Variants in EYS observed in about 807,000 individuals in gnomAD.
The protein encoded by EYS is EGF-like photoreceptor maintenance factor, also known as protein eyes shut homolog.
Under a neutral mutation model 282.1 loss-of-function variants are expected in EYS, and 250 were observed. The ratio of observed to expected loss-of-function variants is 0.89; its 90% CI spans 0.80 to 0.98. The LOEUF (loss-of-function observed/expected upper bound fraction) is 0.98, where lower values mean the gene tolerates loss of function less well. Among genes scored for constraint, EYS ranks in the 50% least tolerant of loss-of-function variants. The pLI is 0.00. For missense variants in EYS, 4,016 were observed against 3,709.0 expected (o/e 1.08, Z -2.15); for synonymous variants, 1,355 against 1,282.9 (o/e 1.06, Z -1.20).
intron 31 of EYS, among the ~76,000 whole-genome samples, chr6:64,204,697 G>A (rs1765565109): frequency 6.6e-6 from 1 of 152,140 alleles, no homozygotes; most frequent in Non-Finnish European, 1.5e-5. Context: ...AATTTCTGGG[G>A]AAGGGATTCA....
At chr6:65,312,312 G>A (rs1265276630) in intron 11 of EYS, among the ~76,000 whole-genome samples, 16 of 151,438 alleles carry the variant, frequency 1.1e-4, no homozygotes, top group African/African-American at 3.4e-4. Context: ...GATAAACTTG[G>A]TCATGATAAA....
At chr6:63,824,492 CA>C (rs1250555683) in intron 36 of EYS, among the ~76,000 whole-genome samples, 3 of 152,200 alleles carry the variant, frequency 2.0e-5, no homozygotes, top group Admixed American at 6.5e-5. Flanking sequence ...AACAAACCAG[CA>C]ATCCCCAGAG....
intron 31 of EYS, among the ~76,000 whole-genome samples, chr6:64,213,122 AAACT>A (rs1765829797): frequency 6.6e-6 from 1 of 152,232 alleles, no homozygotes; most frequent in African/African-American, 2.4e-5. Context: ...AGGATCAGGA[AAACT>A]AACTAATGGG....
At chr6:64,387,256 TTCTAATTACAACTCC>T (rs916212095) in intron 29 of EYS, among the ~76,000 whole-genome samples, 2 of 152,128 alleles carry the variant, frequency 1.3e-5, no homozygotes, top group Non-Finnish European at 2.9e-5. Flanking sequence ...TTCTTCAAAT[TTCTAATTACAACTCC>T]TCTACTTCTT....
chr6:65,296,015 G>A lies in EYS; in HGVS notation c.1871C>T (p.Ser624Leu), dbSNP rs548565748. Residue 624 changes from serine to leucine, a missense_variant, in exon 12 of 43, where the codon TCG (serine) becomes TTG (leucine). Transcript: ENST00000503581. ...CAGACCGCTACAGTTACAATTGTGC[G>A]AAAGGGCCAGGCAGAGGCCATGCAC... ...ISVHGLCLAL[S>L]HNCNCSGLQR... 93 of 1,551,156 alleles carry A rather than the reference G, an allele frequency of 6.0e-5. No homozygotes were observed. In the South Asian group the frequency reaches 7.9e-4, roughly 13 times the overall value.
At chr6:65,118,944 C>T (rs1028860419) in intron 12 of EYS, among the ~76,000 whole-genome samples, 32 of 149,396 alleles carry the variant, frequency 2.1e-4, no homozygotes, top group Admixed American at 1.5e-3. Flanking sequence ...ATAAAGTTAA[C>T]AGAATGTTTG....
At chr6:63,733,799 T>C (rs1051538229) in intron 41 of EYS, among the ~76,000 whole-genome samples, 2 of 152,150 alleles carry the variant, frequency 1.3e-5, no homozygotes, top group Admixed American at 6.6e-5. Context: ...CAAATATTTT[T>C]ATAATGGGCA....
intron 1 of EYS, among the ~76,000 whole-genome samples, chr6:65,697,261 T>C (rs905217556): frequency 1.3e-5 from 2 of 152,112 alleles, no homozygotes; most frequent in Admixed American, 1.3e-4. Context: ...TCATCATGTA[T>C]ACTTTAGACA....
chr6:65,579,099 A>G (rs1474741165), intron 2 of EYS, among the ~76,000 whole-genome samples: 1 of 152,110 alleles, frequency 6.6e-6, no homozygotes, highest in Non-Finnish European at 1.5e-5. Context: ...CTAATGGCCA[A>G]CTCAACTTTG....
intron 5 of EYS, among the ~76,000 whole-genome samples, chr6:65,446,973 A>G (rs1768686228): frequency 6.6e-6 from 1 of 151,718 alleles, no homozygotes; most frequent in Admixed American, 6.6e-5. Context: ...ATTATTAAAG[A>G]CTTCTCACAT....
chr6:64,214,729 T>C (rs1435744003), intron 31 of EYS, among the ~76,000 whole-genome samples: 2 of 152,018 alleles, frequency 1.3e-5, no homozygotes, highest in Admixed American at 6.6e-5. Context: ...TAAACCTAAT[T>C]GTCAATGAGT....
chr6:64,717,102 G>A (rs569872580), intron 22 of EYS, among the ~76,000 whole-genome samples: 128 of 152,232 alleles, frequency 8.4e-4, no homozygotes, highest in Admixed American at 1.1e-3. Context: ...TACCAAAACC[G>A]TGACTGAGAC....
intron 5 of EYS, among the ~76,000 whole-genome samples, chr6:65,413,035 C>T (rs2150371164): frequency 6.6e-6 from 1 of 152,250 alleles, no homozygotes; most frequent in South Asian, 2.1e-4. Flanking sequence ...GATCCCATCA[C>T]TTCTCAATTT....
At chr6:64,890,180 G>A (rs1767242308) in intron 18 of EYS, among the ~76,000 whole-genome samples, 1 of 151,930 alleles carries the variant, frequency 6.6e-6, no homozygotes, top group Non-Finnish European at 1.5e-5. Flanking sequence ...CAGACCAGTT[G>A]CTCTCAAAAC....
At chr6:65,586,272 T>A (rs1275841569) in intron 2 of EYS, among the ~76,000 whole-genome samples, 1 of 152,076 alleles carries the variant, frequency 6.6e-6, no homozygotes, top group Non-Finnish European at 1.5e-5. Context: ...AGGTAGATAA[T>A]TTCAAATTAA....
rs186046571 is a variant in EYS at position 64,586,851 on chromosome 6, A to T, written c.5644+3372T>A. Among the ~76,000 whole-genome samples the T allele has an allele frequency of 4.1e-3, 618 of 152,216 alleles. 3 individuals carry two copies. Among genetic ancestry groups the T allele is most frequent in the African/African-American group, 0.013 (558 of 41,566 alleles). The stretch of plus-strand genomic sequence containing the variant: ...ATTGCTATTTGAGAATATTTGGTTC[A>T]TGAAGCTCTGATTGCTCTTTCTTAT... On this transcript the variant is annotated intron_variant, in intron 26 of 42. Transcript: ENST00000503581.
At chr6:64,530,560 T>G (rs1432772526) in intron 26 of EYS, among the ~76,000 whole-genome samples, 1 of 152,088 alleles carries the variant, frequency 6.6e-6, no homozygotes, top group East Asian at 1.9e-4. Flanking sequence ...TGGAGATTTA[T>G]AACATGATAT....
intron 40 of EYS, among the ~76,000 whole-genome samples, chr6:63,776,607 A>G (rs924363281): frequency 1.3e-5 from 2 of 152,222 alleles, no homozygotes; most frequent in African/African-American, 4.8e-5. Flanking sequence ...TACGTTTAAT[A>G]TCGGAACTCA....
At chr6:65,567,347 G>A (rs1022709070) in intron 2 of EYS, among the ~76,000 whole-genome samples, 1 of 150,196 alleles carries the variant, frequency 6.7e-6, no homozygotes, top group Non-Finnish European at 1.5e-5. Flanking sequence ...TTCTAAAATG[G>A]TGACCAAAAT....
Sources: gnomAD v4.1 joint callset for allele counts (sites outside exome capture counted in the v4.1 genomes callset) on GRCh38, gnomAD v4.1.1 for gene constraint, MANE v1.5 for transcripts, NCBI Gene and HGNC (gene_info 2026-07-23, HGNC 2026-07-21) for gene names.